Variants in MTFR2 observed in about 807,000 individuals in gnomAD.
The protein encoded by MTFR2 is mitochondrial fission regulator 2.
A neutral mutation model predicts 41.2 loss-of-function variants in MTFR2; 44 were observed. The ratio of observed to expected loss-of-function variants is 1.07; its 90% CI spans 0.84 to 1.37. The LOEUF (loss-of-function observed/expected upper bound fraction) is 1.37, where lower values mean the gene tolerates loss of function less well. Among genes scored for constraint, MTFR2 ranks in the 40% most tolerant of loss-of-function variants. The probability of loss-of-function intolerance (pLI) is 0.00; values close to 1 mark genes in which losing one functional copy is unlikely to be tolerated. For synonymous variants in MTFR2, 141 were observed against 154.6 expected, an observed-to-expected ratio of 0.91 and a Z score of 0.65; for missense variants, 452 against 459.5, an observed-to-expected ratio of 0.98 and a Z score of 0.15.
rs533540403 is a variant in MTFR2 at position 136,237,913 on chromosome 6, T to C, written c.869+1553A>G. Among the ~76,000 whole-genome samples the C allele has an allele frequency of 1.4e-3, 209 of 152,106 alleles. 1 individual carries two copies. The highest frequency in any genetic ancestry group is 4.8e-3 in the African/African-American group (200 of 41,504). Reference sequence around the variant, plus strand: ...GGAAGCTATAGGAAGATATGACATTTAGGAAATCAGTGATGCAGCATAGAA... The same window carrying C: ...GGAAGCTATAGGAAGATATGACATTCAGGAAATCAGTGATGCAGCATAGAA... On this transcript the variant is annotated intron_variant, in intron 6 of 7. Transcript: ENST00000420702.
At chr6:136,232,822 G>A (rs1779796901) in intron 7 of MTFR2, among the ~76,000 whole-genome samples, 1 of 152,180 alleles carries the variant, frequency 6.6e-6, no homozygotes. Context: ...TCCAGTGTTT[G>A]TCATCCTAGG....
rs1256759715 is a variant in MTFR2 at position 136,242,964 on chromosome 6, G to A, written c.178C>T (p.Leu60Phe). 2 of 1,600,882 alleles carry A rather than the reference G, an allele frequency of 1.2e-6. No homozygotes were observed. The highest frequency in any genetic ancestry group is 1.7e-6 in the Non-Finnish European group (2 of 1,176,506). ...TTATCAGAGTCTACAGAGTTCAAGA[G>A]CGGGATCAACTAAAGTAAAAAAAGA... ...CRRPNFELIP[L>F]LNSVDSDNCG... The change falls in exon 4 of 8, where the codon CTC becomes TTC. Residue 60 changes from leucine to phenylalanine, a missense_variant. Coordinates refer to ENST00000420702, the MANE Select transcript of MTFR2 (RefSeq NM_001099286.3).
At chr6:136,238,687 C>A (rs1779968974) in intron 6 of MTFR2, among the ~76,000 whole-genome samples, 2 of 151,522 alleles carry the variant, frequency 1.3e-5, no homozygotes, top group Non-Finnish European at 2.9e-5. Context: ...ACCACACACA[C>A]ACACACACAC....
At position 136,233,367 on chromosome 6, in the gene MTFR2, T is replaced by C; in HGVS notation, c.1002A>G (p.Arg334=). 1 of 1,612,752 alleles carries C rather than the reference T, an allele frequency of 6.2e-7. No individual in the cohort carries two copies. Residue 334 remains arginine (R), a synonymous_variant, in exon 7 of 8, where the codon AGA becomes AGG. Coordinates refer to ENST00000420702, the MANE Select transcript of MTFR2 (RefSeq NM_001099286.3). ...TAGAAAATGGGGAAGATTCCCAAGA[T>C]CTATTCTCTTTCTCAAAAGAATCAT... ...QEDDSFEKEN[R]SWESSPFSSP... is the part of the protein sequence containing the mutation.
intron 3 of MTFR2, among the ~76,000 whole-genome samples, chr6:136,244,544 C>T (rs769322065): frequency 3.9e-5 from 6 of 152,142 alleles, no homozygotes; most frequent in Non-Finnish European, 8.8e-5. Context: ...CCAAACAACG[C>T]TTTTCTCAAA....
intron 2 of MTFR2, chr6:136,247,335 G>A: frequency 2.9e-6 from 1 of 349,006 alleles, no homozygotes; most frequent in Non-Finnish European, 5.5e-6. Flanking sequence ...GGGCAACAGA[G>A]CAAGACTCCA....
intron 3 of MTFR2, 89 bp from the exon 4 acceptor site, chr6:136,243,062 C>A: frequency 4.1e-6 from 3 of 731,724 alleles, no homozygotes; most frequent in South Asian, 2.4e-5. Flanking sequence ...GTTAACAATC[C>A]AAAAGAAAGA....
chr6:136,244,329 T>C (rs1780159500), intron 3 of MTFR2, among the ~76,000 whole-genome samples: 1 of 152,236 alleles, frequency 6.6e-6, no homozygotes, highest in South Asian at 2.1e-4. Context: ...TTTACTGCAT[T>C]GTTACCATAC....
intron 4 of MTFR2, among the ~76,000 whole-genome samples, chr6:136,241,898 G>A (rs1363811432): frequency 4.0e-5 from 6 of 151,724 alleles, no homozygotes; most frequent in African/African-American, 1.2e-4. Context: ...TCAAAATGGC[G>A]AAACCCTGTC....
Position 136,241,455 on chromosome 6 carries a change from C to G in MTFR2, c.503G>C (p.Ser168Thr). Residue 168 changes from serine (S) to threonine (T), a missense_variant, in exon 5 of 8, where the codon AGT becomes ACT. By Grantham distance (58) the Ser-to-Thr change is moderately conservative. Transcript: ENST00000420702. ...CTACTGTTACTTACTAGAATTTGTA[C>G]TATTTTTCAGTTCCTGCATTTCCAC... ...AIVEMQELKN[S>T]TNSSSFGLSD... 1.9e-6 allele frequency: 3 copies of G among 1,612,250 alleles called. No homozygotes were observed. Among genetic ancestry groups the G allele is most frequent in the Non-Finnish European group, 2.5e-6 (3 of 1,178,920 alleles).
intron 7 of MTFR2, among the ~76,000 whole-genome samples, chr6:136,232,213 A>ATG (rs201629760): frequency 6.6e-6 from 1 of 151,926 alleles, no homozygotes; most frequent in African/African-American, 2.4e-5. Flanking sequence ...TGGAGTGGCA[A>ATG]TGTGTGTGTG....
chr6:136,232,928 T>C (rs1036673091), intron 7 of MTFR2, among the ~76,000 whole-genome samples: 1 of 152,186 alleles, frequency 6.6e-6, no homozygotes, highest in Non-Finnish European at 1.5e-5. Context: ...CCAAAGTCTG[T>C]ATATTTGACA....
intron 3 of MTFR2, 57 bp from the exon 4 acceptor site, chr6:136,243,030 C>A: frequency 9.0e-7 from 1 of 1,108,664 alleles, no homozygotes; most frequent in Non-Finnish European, 1.3e-6. Flanking sequence ...GGAGAAGACA[C>A]ATGCCCCATG....
In MTFR2 at chr6:136,247,087, C is replaced by T. The variant is rs567187132; in HGVS notation, c.63+1950G>A. Among the ~76,000 whole-genome samples, 202 of 152,310 alleles carry T rather than the reference C, an allele frequency of 1.3e-3. 2 individuals carry two copies. Among genetic ancestry groups the T allele is most frequent in the South Asian group, 0.011 (51 of 4,830 alleles). On this transcript the variant is annotated intron_variant, in intron 2 of 7. Coordinates refer to ENST00000420702, the MANE Select transcript of MTFR2 (RefSeq NM_001099286.3). ...TTTTCAGGCCAGGCGCAGGGGCTCA[C>T]GCCTGTAATCCCAGCACTTCGGAAG...
intron 2 of MTFR2, 32 bp downstream of exon 2, chr6:136,249,005 A>G (rs745827255): frequency 1.9e-6 from 3 of 1,568,258 alleles, no homozygotes; most frequent in African/African-American, 1.4e-5. Context: ...AACAAATACA[A>G]CAGATCCATT....
At position 136,241,433 on chromosome 6, in the gene MTFR2, C is replaced by T. The variant is rs1030587204; in HGVS notation, c.514+11G>A. The stretch of plus-strand genomic sequence containing the variant: ...TCATCTAACTGAAACAAAAATCCTA[C>T]TGTTACTTACTAGAATTTGTACTAT... On this transcript the variant is annotated intron_variant, in intron 5 of 7. Coordinates refer to ENST00000420702, the MANE Select transcript of MTFR2 (RefSeq NM_001099286.3). 5 of 1,600,106 alleles carry T rather than the reference C, an allele frequency of 3.1e-6. No homozygotes were observed. Among genetic ancestry groups the T allele is most frequent in the Non-Finnish European group, 4.3e-6 (5 of 1,170,904 alleles).
intron 5 of MTFR2, among the ~76,000 whole-genome samples, chr6:136,241,011 A>C (rs1354292116): frequency 1.3e-5 from 2 of 149,386 alleles, no homozygotes; most frequent in South Asian, 4.1e-4. Context: ...GAATGGCGTG[A>C]ACCCGGGAGG....
chr6:136,243,255 T>A (rs892934475), intron 3 of MTFR2, among the ~76,000 whole-genome samples: 4 of 152,228 alleles, frequency 2.6e-5, no homozygotes, highest in Non-Finnish European at 5.9e-5. Flanking sequence ...CATCTGTGAA[T>A]GTCATTACAG....
At chr6:136,235,254 G>GAAAGAACAGGTTTCCAAGGTGGCGGA (rs1779874123) in intron 6 of MTFR2, among the ~76,000 whole-genome samples, 1 of 150,766 alleles carries the variant, frequency 6.6e-6, no homozygotes, top group African/African-American at 2.5e-5. Context: ...AAAGACGTGG[G>GAAAGAACAGGTTTCCAAGGTGGCGGA]AAAGAACAGG....
Sources: gnomAD v4.1 joint callset for allele counts (sites outside exome capture counted in the v4.1 genomes callset) on GRCh38, gnomAD v4.1.1 for gene constraint, MANE v1.5 for transcripts, NCBI Gene and HGNC (gene_info 2026-07-23, HGNC 2026-07-21) for gene names.